Variants in THSD7A observed in about 807,000 individuals in gnomAD.
THSD7A encodes thrombospondin type 1 domain containing 7A.
In THSD7A, 96 loss-of-function variants were observed where a neutral mutation model predicts 231.3. The observed-to-expected ratio is 0.41, with a 90% CI of 0.35 to 0.49. The LOEUF is 0.49. Ranked by LOEUF, THSD7A falls within the 20% of genes least tolerant of loss-of-function variation. The pLI is 0.05. For synonymous variants in THSD7A, 940 were observed against 743.3 expected (o/e 1.26, Z -4.30); for missense variants, 2,290 against 2,070.2 (o/e 1.11, Z -2.06).
intron 16 of THSD7A, among the ~76,000 whole-genome samples, chr7:11,418,086 C>T (rs962127891): frequency 3.3e-5 from 5 of 152,148 alleles, no homozygotes; most frequent in African/African-American, 4.8e-5. Flanking sequence ...ACCAGGCACA[C>T]TGAAATCTCT....
At chr7:11,493,481 G>C (rs192102728) in intron 6 of THSD7A, among the ~76,000 whole-genome samples, 6 of 152,158 alleles carry the variant, frequency 3.9e-5, no homozygotes, top group African/African-American at 7.2e-5. Flanking sequence ...GAAGATATTA[G>C]GGTTATTCAT....
At chr7:11,402,032 T>TTTAA (rs1783423831) in intron 22 of THSD7A, 64 bp from the exon 23 acceptor site, 1 of 1,434,958 alleles carries the variant, frequency 7.0e-7, no homozygotes, top group East Asian at 2.3e-5. Context: ...CGATAATCAT[T>TTTAA]TTAATTCCAA....
At chr7:11,518,606 C>T (rs1196898596) in intron 6 of THSD7A, among the ~76,000 whole-genome samples, 1 of 151,694 alleles carries the variant, frequency 6.6e-6, no homozygotes, top group East Asian at 1.9e-4. Context: ...GAAACACACA[C>T]ACACACACAC....
intron 11 of THSD7A, among the ~76,000 whole-genome samples, chr7:11,459,068 T>G (rs532491708): frequency 1.3e-3 from 192 of 152,294 alleles, no homozygotes; most frequent in Non-Finnish European, 2.0e-3. Context: ...TTTCCTCCAG[T>G]GGTGTTTTAT....
intron 1 of THSD7A, among the ~76,000 whole-genome samples, chr7:11,738,139 G>T (rs1409899953): frequency 6.6e-6 from 1 of 151,924 alleles, no homozygotes; most frequent in Admixed American, 6.6e-5. Context: ...TACACAGACT[G>T]AGCATCCCTT....
At chr7:11,481,722 T>C in intron 7 of THSD7A, 66 bp downstream of exon 7, 2 of 1,439,990 alleles carry the variant, frequency 1.4e-6, no homozygotes, top group Non-Finnish European at 1.9e-6. Flanking sequence ...TTTTCCAGGC[T>C]ACACAAAAAA....
intron 19 of THSD7A, among the ~76,000 whole-genome samples, chr7:11,410,191 T>C (rs1278542873): frequency 6.6e-6 from 1 of 152,252 alleles, no homozygotes; most frequent in African/African-American, 2.4e-5. Flanking sequence ...GAGGCATTTA[T>C]TAACTAAACA....
intron 1 of THSD7A, among the ~76,000 whole-genome samples, chr7:11,711,298 A>T (rs1017943050): frequency 6.6e-6 from 1 of 150,866 alleles, no homozygotes; most frequent in African/African-American, 2.4e-5. Context: ...AGAGCAGGAA[A>T]TGTCCTTTCT....
At chr7:11,789,134 CA>C (rs1159778980) in intron 1 of THSD7A, among the ~76,000 whole-genome samples, 1 of 151,718 alleles carries the variant, frequency 6.6e-6, no homozygotes, top group South Asian at 2.1e-4. Context: ...CCCAAAGATC[CA>C]AAGTCATGGT....
At chr7:11,578,291 T>C (rs950566619) in intron 4 of THSD7A, among the ~76,000 whole-genome samples, 2 of 152,226 alleles carry the variant, frequency 1.3e-5, no homozygotes, top group Admixed American at 6.5e-5. Flanking sequence ...GATTTACATA[T>C]GTTACATATG....
chr7:11,454,586 C>T (rs548048217), intron 11 of THSD7A, among the ~76,000 whole-genome samples: 74 of 146,426 alleles, frequency 5.1e-4, no homozygotes, highest in Middle Eastern at 3.5e-3. Context: ...TTCAATTCTT[C>T]AGTGATTATT....
Position 11,429,039 on chromosome 7 carries a change from A to G in THSD7A, c.3151T>C (p.Cys1051Arg). 3.1e-6 allele frequency: 5 copies of G among 1,613,294 alleles called. No individual in the cohort carries two copies. Among genetic ancestry groups the G allele is most frequent in the African/African-American group, 1.3e-5 (1 of 75,024 alleles). The part of the protein sequence containing the change: ...WSNWSRCSKS[C>R]GSGVKVRSKW... ...GAACGAACCTTCACACCACTCCCAC[A>G]GGACTTGCTGCAGCGCGACCAGTTG... is the stretch of plus-strand genomic sequence containing the variant. Residue 1051 changes from cysteine to arginine, a missense_variant, in exon 14 of 28, where the codon TGT (cysteine) becomes CGT (arginine). By Grantham distance (180) the Cys-to-Arg change is radical. Transcript: ENST00000423059.
chr7:11,820,977 T>G lies in THSD7A; in HGVS notation c.190+10780A>C, dbSNP rs962713758. 5.8e-6 allele frequency: 6 copies of G among 1,033,528 alleles called. No individual in the cohort carries two copies. In the African/African-American group the frequency reaches 9.6e-5, roughly 17 times the overall value. The allele number at this position is 1,033,528 out of a possible 1,614,324, so 64.0% of individuals were successfully genotyped here. A position where few individuals can be genotyped will look rare whatever the true frequency, so the allele number is the denominator to read the frequency against. On this transcript the variant is annotated intron_variant, in intron 1 of 27. Transcript: ENST00000423059. ...ATGACGTTCAATATCAAGGCGGAGA[T>G]CAACAGGATCATCTCTGTATTTTCC...
chr7:11,727,455 G>A (rs143810717), intron 1 of THSD7A, among the ~76,000 whole-genome samples: 1 of 151,960 alleles, frequency 6.6e-6, no homozygotes, highest in African/African-American at 2.4e-5. Context: ...ATGATCCAGT[G>A]GGGAATAAGT....
At chr7:11,438,328 G>GT (rs1229755930) in intron 13 of THSD7A, among the ~76,000 whole-genome samples, 1 of 151,828 alleles carries the variant, frequency 6.6e-6, no homozygotes, top group Non-Finnish European at 1.5e-5. Flanking sequence ...CTATTAAAAG[G>GT]TTTTTCCTCA....
At chr7:11,391,879 T>C (rs2115331333) in intron 23 of THSD7A, among the ~76,000 whole-genome samples, 1 of 152,070 alleles carries the variant, frequency 6.6e-6, no homozygotes, top group South Asian at 2.1e-4. Context: ...GCTCCCCAGG[T>C]GAGGCAATGC....
intron 1 of THSD7A, among the ~76,000 whole-genome samples, chr7:11,768,300 G>A (rs1419433002): frequency 6.6e-6 from 1 of 152,140 alleles, no homozygotes; most frequent in Admixed American, 6.6e-5. Flanking sequence ...TCATATGTTT[G>A]TCATAAGGCA....
At chr7:11,689,747 A>C (rs975391728) in intron 1 of THSD7A, among the ~76,000 whole-genome samples, 8 of 151,188 alleles carry the variant, frequency 5.3e-5, no homozygotes, top group Non-Finnish European at 1.2e-4. Flanking sequence ...AAATGGGGTG[A>C]ATATAGCTTT....
intron 19 of THSD7A, among the ~76,000 whole-genome samples, chr7:11,409,336 G>C (rs552792599): frequency 2.6e-5 from 4 of 152,168 alleles, no homozygotes; most frequent in African/African-American, 9.7e-5. Flanking sequence ...CTGAATGCAG[G>C]GTTGCACAGT....
Sources: gnomAD v4.1 joint callset for allele counts (sites outside exome capture counted in the v4.1 genomes callset) on GRCh38, gnomAD v4.1.1 for gene constraint, MANE v1.5 for transcripts, NCBI Gene and HGNC (gene_info 2026-07-23, HGNC 2026-07-21) for gene names.